The following USP14 variants were observed in gnomAD, a reference collection of about 807,000 sequenced individuals.
USP14 encodes the protein ubiquitin carboxyl-terminal hydrolase 14.
USP14 carries 38 observed loss-of-function variants against 76.5 expected under a neutral mutation model. The ratio of observed to expected loss-of-function variants is 0.50; its 90% CI spans 0.38 to 0.65. The LOEUF is 0.65. Among genes scored for constraint, USP14 ranks in the 30% least tolerant of loss-of-function variants. The probability of loss-of-function intolerance (pLI) is 0.00; values close to 1 mark genes in which losing one functional copy is unlikely to be tolerated. For synonymous variants in USP14, 192 were observed against 191.7 expected (o/e 1.00, Z -0.01); for missense variants, 467 against 586.5 (o/e 0.80, Z 2.10).
chr18:210,056 G>T, intron 14 of USP14, 25 bp downstream of exon 14: 1 of 1,561,692 alleles, frequency 6.4e-7, no homozygotes, highest in South Asian at 1.2e-5. Context: ...CATTTTAATT[G>T]AGTTATTGTA....
intron 5 of USP14, among the ~76,000 whole-genome samples, chr18:188,191 CCCT>C (rs1435245832): frequency 6.6e-6 from 1 of 151,680 alleles, no homozygotes; most frequent in Non-Finnish European, 1.5e-5. Flanking sequence ...TGTCTTCTTC[CCCT>C]CAGGTTTGGT....
chr18:202,834 A>C (rs770967279), intron 10 of USP14, 46 bp from the exon 11 acceptor site: 2 of 1,599,436 alleles, frequency 1.3e-6, no homozygotes, highest in Non-Finnish European at 8.6e-7. Context: ...TGCAGAAATA[A>C]AATTTTTAAA....
chr18:178,754 G>A (rs2144232744), intron 3 of USP14, 179 bp from the exon 4 acceptor site: 1 of 460,780 alleles, frequency 2.2e-6, no homozygotes, highest in Middle Eastern at 6.5e-4. Context: ...TACCATTTAA[G>A]GTCACTCCCT....
At chr18:196,062 C>T (rs2143063336) in intron 6 of USP14, among the ~76,000 whole-genome samples, 1 of 152,156 alleles carries the variant, frequency 6.6e-6, no homozygotes, top group South Asian at 2.1e-4. Context: ...GTGGCTCACA[C>T]CTGTAATCCC....
At chr18:185,111 G>A (rs1266268020) in intron 5 of USP14, among the ~76,000 whole-genome samples, 1 of 152,048 alleles carries the variant, frequency 6.6e-6, no homozygotes, top group Non-Finnish European at 1.5e-5. Context: ...TATACACAGC[G>A]TTAACAGTTA....
chr18:210,693 A>G (rs1189579140), intron 15 of USP14, among the ~76,000 whole-genome samples, 200 bp downstream of exon 15: 4 of 152,218 alleles, frequency 2.6e-5, no homozygotes, highest in African/African-American at 9.6e-5. Flanking sequence ...TAAGAAAGTT[A>G]GTTTTAAAAA....
At chr18:190,669 T>G (rs774104315) in intron 5 of USP14, among the ~76,000 whole-genome samples, 46 of 152,206 alleles carry the variant, frequency 3.0e-4, no homozygotes, top group Non-Finnish European at 8.8e-5. Context: ...GTCCTCTCTT[T>G]GTAGGTGTCA....
intron 3 of USP14, among the ~76,000 whole-genome samples, chr18:174,725 C>T (rs975771865): frequency 3.3e-5 from 5 of 152,062 alleles, no homozygotes; most frequent in African/African-American, 1.2e-4. Context: ...CCACCTCACC[C>T]TCCTGAGTAG....
At chr18:168,397 C>G (rs532591768) in intron 3 of USP14, among the ~76,000 whole-genome samples, 1 of 152,090 alleles carries the variant, frequency 6.6e-6, no homozygotes. Flanking sequence ...TCGTGACTTT[C>G]AGATTTCTTA....
intron 2 of USP14, 134 bp downstream of exon 2, chr18:163,587 T>A (rs905251437): frequency 1.7e-5 from 17 of 976,758 alleles, no homozygotes; most frequent in Non-Finnish European, 2.4e-5. Flanking sequence ...TCAGCTATGG[T>A]GTTAAAACTG....
intron 6 of USP14, among the ~76,000 whole-genome samples, chr18:194,174 T>C (rs1910167540): frequency 6.6e-6 from 1 of 152,236 alleles, no homozygotes; most frequent in Non-Finnish European, 1.5e-5. Context: ...ATTTTTGATA[T>C]TATAAACAGG....
intron 10 of USP14, among the ~76,000 whole-genome samples, chr18:200,593 T>TCAGCTTC (rs1462268675): frequency 5.3e-5 from 8 of 152,208 alleles, no homozygotes; most frequent in Admixed American, 1.3e-4. Context: ...ACATAAAATG[T>TCAGCTTC]CAGCTTCCAC....
intron 3 of USP14, among the ~76,000 whole-genome samples, chr18:178,240 G>C (rs1163262405): frequency 6.6e-6 from 1 of 152,038 alleles, no homozygotes; most frequent in Non-Finnish European, 1.5e-5. Flanking sequence ...GGCTAGTCTT[G>C]AACTGGACTC....
At chr18:166,284 G>A (rs1445843768) in intron 2 of USP14, among the ~76,000 whole-genome samples, 2 of 152,132 alleles carry the variant, frequency 1.3e-5, no homozygotes, top group Non-Finnish European at 2.9e-5. Flanking sequence ...TTATGCAGTT[G>A]AAGCAAATTA....
intron 5 of USP14, among the ~76,000 whole-genome samples, chr18:181,265 G>A (rs900764301): frequency 6.6e-6 from 1 of 152,070 alleles, no homozygotes; most frequent in Non-Finnish European, 1.5e-5. Context: ...TTAATGTTTT[G>A]AGGAACTGCC....
Position 210,404 on chromosome 18 carries a change from G to A in USP14, c.1244G>A (p.Cys415Tyr). ...SFADDIGSNN[C>Y]GYYDLQAVLT... is the part of the protein sequence containing the mutation. ...TCTTTAGATATTGGCTCCAATAATT[G>A]TGGATACTATGACTTACAAGCAGTA... The change falls in exon 15 of 16, where the codon TGT (cysteine) becomes TAT (tyrosine). Residue 415 changes from cysteine to tyrosine, a missense_variant. Transcript: ENST00000261601. 4 of 1,606,928 alleles carry A rather than the reference G, an allele frequency of 2.5e-6. No individual in the cohort carries two copies. The highest frequency in any genetic ancestry group is 3.4e-6 in the Non-Finnish European group (4 of 1,177,066).
At chr18:205,742 C>T (rs1270607068) in intron 13 of USP14, among the ~76,000 whole-genome samples, 2 of 152,156 alleles carry the variant, frequency 1.3e-5, no homozygotes, top group African/African-American at 4.8e-5. Context: ...GATTGTGCCA[C>T]AGCACTCCAA....
intron 5 of USP14, 72 bp downstream of exon 5, chr18:180,411 T>TTAA (rs1909755087): frequency 1.1e-6 from 1 of 880,278 alleles, no homozygotes; most frequent in Admixed American, 2.6e-5. Context: ...TTTTGCTTTC[T>TTAA]TTAGCATCTT....
intron 3 of USP14, among the ~76,000 whole-genome samples, chr18:173,665 C>T (rs923646755): frequency 3.5e-4 from 51 of 147,058 alleles, no homozygotes; most frequent in African/African-American, 1.2e-3. Context: ...TCAGGTGATC[C>T]GCCCACCTCG....
Sources: gnomAD v4.1 joint callset for allele counts (sites outside exome capture counted in the v4.1 genomes callset) on GRCh38, gnomAD v4.1.1 for gene constraint, MANE v1.5 for transcripts, NCBI Gene and HGNC (gene_info 2026-07-23, HGNC 2026-07-21) for gene names.